Variants in PPP2R2B observed in about 807,000 individuals in gnomAD.
PPP2R2B encodes the protein protein phosphatase 2 regulatory subunit Bbeta.
In PPP2R2B, 5 loss-of-function variants were observed where a neutral mutation model predicts 46.0. That is an observed-to-expected ratio of 0.11 (90% CI 0.06 to 0.23). PPP2R2B has a LOEUF of 0.23. PPP2R2B is among the 10% of genes least tolerant of loss of function. The pLI, the probability that PPP2R2B is intolerant of heterozygous loss-of-function variation, is 1.00. For missense variants in PPP2R2B, 367 were observed against 575.0 expected (o/e 0.64, Z 3.70); for synonymous variants, 215 against 206.7 (o/e 1.04, Z -0.34).
At chr5:146,834,177 A>T (rs1759133864) in intron 2 of PPP2R2B, among the ~76,000 whole-genome samples, 1 of 152,236 alleles carries the variant, frequency 6.6e-6, no homozygotes, top group Admixed American at 6.5e-5. Flanking sequence ...TATTGAGGGC[A>T]TACACCATAC....
intron 1 of PPP2R2B, among the ~76,000 whole-genome samples, chr5:146,953,374 T>C (rs1010688753): frequency 3.9e-5 from 6 of 152,298 alleles, no homozygotes; most frequent in Non-Finnish European, 7.3e-5. Context: ...ATACGGGGTA[T>C]AATTTTATCA....
intron 2 of PPP2R2B, among the ~76,000 whole-genome samples, chr5:146,869,241 T>G (rs891686675): frequency 6.6e-6 from 1 of 152,232 alleles, no homozygotes; most frequent in African/African-American, 2.4e-5. Context: ...GATTTCTGAT[T>G]TTTTCTTGCC....
At chr5:146,708,164 TG>T (rs1292521748) in intron 2 of PPP2R2B, among the ~76,000 whole-genome samples, 2 of 152,074 alleles carry the variant, frequency 1.3e-5, no homozygotes, top group Non-Finnish European at 2.9e-5. Context: ...GAGACCAGGC[TG>T]GGCAGCATGG....
At chr5:146,668,590 G>A (rs1272072388) in intron 5 of PPP2R2B, among the ~76,000 whole-genome samples, 2 of 152,140 alleles carry the variant, frequency 1.3e-5, no homozygotes, top group Non-Finnish European at 2.9e-5. Context: ...TATTTGGGGT[G>A]ACTTATGCCT....
chr5:147,036,800 C>T (rs538769092), intron 1 of PPP2R2B, among the ~76,000 whole-genome samples: 15 of 152,240 alleles, frequency 9.9e-5, no homozygotes, highest in Admixed American at 3.3e-4. Context: ...AATCCATTGA[C>T]CCATAGCATT....
At chr5:146,637,571 C>T (rs1473029470) in intron 7 of PPP2R2B, among the ~76,000 whole-genome samples, 1 of 152,166 alleles carries the variant, frequency 6.6e-6, no homozygotes, top group African/African-American at 2.4e-5. Flanking sequence ...GAACAATTTC[C>T]CTAACAACTA....
At chr5:146,781,135 T>TATATATAC (rs1755490730) in intron 2 of PPP2R2B, among the ~76,000 whole-genome samples, 1 of 34,806 alleles carries the variant, frequency 2.9e-5, no homozygotes, top group Admixed American at 2.5e-4. Context: ...CACCATGATA[T>TATATATAC]ATATATATAT....
rs995477498 is a variant in PPP2R2B, at chr5:146,967,935, AG to A, written c.79+87729del. Reference sequence around the variant, plus strand: ...GGAAAAGAGGAAAATTTTCCCTTCAAGGTCTGGACATTTCTCAAAGACAGCC... The same window carrying A: ...GGAAAAGAGGAAAATTTTCCCTTCAAGTCTGGACATTTCTCAAAGACAGCC... On this transcript the variant is annotated intron_variant, in intron 1 of 8. Transcript: ENST00000336640. Among the ~76,000 whole-genome samples the A allele has an allele frequency of 9.3e-4, 141 of 152,294 alleles. 1 individual carries two copies. The highest frequency in any genetic ancestry group is 3.1e-3 in the African/African-American group (130 of 41,568).
intron 1 of PPP2R2B, among the ~76,000 whole-genome samples, chr5:146,987,483 G>A (rs1230613332): frequency 1.3e-5 from 2 of 152,044 alleles, no homozygotes; most frequent in Admixed American, 1.3e-4. Flanking sequence ...ACAAAATGTA[G>A]GGATAAGATG....
At chr5:146,816,072 AC>A (rs1187156198) in intron 2 of PPP2R2B, among the ~76,000 whole-genome samples, 1 of 152,080 alleles carries the variant, frequency 6.6e-6, no homozygotes, top group Non-Finnish European at 1.5e-5. Context: ...TGACCACTCC[AC>A]TATATCAATA....
intron 1 of PPP2R2B, among the ~76,000 whole-genome samples, chr5:146,958,964 G>A (rs1218033607): frequency 6.6e-6 from 1 of 152,186 alleles, no homozygotes; most frequent in African/African-American, 2.4e-5. Context: ...GTAGTTGGAG[G>A]TGGGATTCAA....
intron 2 of PPP2R2B, among the ~76,000 whole-genome samples, chr5:146,745,017 C>A (rs1194202176): frequency 6.6e-6 from 1 of 152,046 alleles, no homozygotes; most frequent in Admixed American, 6.6e-5. Flanking sequence ...ATTCCCAGTT[C>A]AATGGGAAAA....
At chr5:146,946,280 G>A (rs948055410) in intron 1 of PPP2R2B, among the ~76,000 whole-genome samples, 14 of 152,148 alleles carry the variant, frequency 9.2e-5, no homozygotes, top group African/African-American at 3.4e-4. Flanking sequence ...ATCTTTCAAA[G>A]GTGGCTCTGA....
chr5:146,906,976 T>C (rs1306371163), intron 1 of PPP2R2B, among the ~76,000 whole-genome samples: 38 of 152,248 alleles, frequency 2.5e-4, no homozygotes, highest in Non-Finnish European at 1.5e-5. Context: ...GGAGACAGGA[T>C]GAGTAACACA....
At chr5:146,880,649 A>C (rs1427499377), upstream of PPP2R2B, among the ~76,000 whole-genome samples, 1 of 152,172 alleles carries the variant, frequency 6.6e-6, no homozygotes, top group Non-Finnish European at 1.5e-5. Context: ...CAAGGGCTAG[A>C]TTGGGACAGA....
At chr5:147,034,164 T>C (rs957689287) in intron 1 of PPP2R2B, among the ~76,000 whole-genome samples, 1 of 152,186 alleles carries the variant, frequency 6.6e-6, no homozygotes, top group African/African-American at 2.4e-5. Context: ...TTAAGGTCCC[T>C]TTTACTTGCT....
At chr5:146,886,728 G>A (rs1327161441) in intron 1 of PPP2R2B, among the ~76,000 whole-genome samples, 1 of 151,854 alleles carries the variant, frequency 6.6e-6, no homozygotes, top group African/African-American at 2.4e-5. Context: ...TATTAGCAAT[G>A]GTTATGCGTA....
intron 7 of PPP2R2B, chr5:146,607,717 C>T (rs1227633095): frequency 6.6e-6 from 1 of 152,080 alleles, no homozygotes; most frequent in Non-Finnish European, 1.5e-5. Context: ...ACCAAAAATT[C>T]ATAGTGGGGA....
rs757837294 is a variant in PPP2R2B at position 146,691,157 on chromosome 5, G to A, written c.418C>T (p.Arg140Trp). ...YNLKDEEGRL[R>W]DPATITTLRV... ...AGGGTTGTGATGGTGGCAGGATCCCGGAGCCGGCCCTCCTCATCTTTCAGA... is the reference window on the plus strand; with the variant it reads ...AGGGTTGTGATGGTGGCAGGATCCCAGAGCCGGCCCTCCTCATCTTTCAGA... Residue 140 changes from arginine (R) to tryptophan (W), a missense_variant, in exon 5 of 10, where the codon CGG becomes TGG. Around this residue, in one of 2 missense-constraint regions of PPP2R2B, gnomAD observed 361 missense variants for 545.5 expected, o/e 0.66. Transcript: ENST00000394411. 5.6e-6 allele frequency: 9 copies of A among 1,614,002 alleles called. No individual in the cohort carries two copies. The highest frequency in any genetic ancestry group is 1.7e-5 in the Admixed American group (1 of 60,002).
Sources: allele counts gnomAD v4.1 joint callset (sites outside exome capture counted in the v4.1 genomes callset), GRCh38; gene constraint gnomAD v4.1.1; regional missense constraint gnomAD v4.1.1; transcripts MANE v1.5; gene names NCBI Gene and HGNC (gene_info 2026-07-23, HGNC 2026-07-21).